The following GLIS3 variants were observed in gnomAD, a reference collection of about 807,000 sequenced individuals.
The protein encoded by GLIS3 is GLIS family zinc finger 3.
GLIS3 carries 53 observed loss-of-function variants against 78.6 expected under a neutral mutation model. The observed-to-expected ratio is 0.67, with a 90% CI of 0.54 to 0.85. The LOEUF is 0.85. GLIS3 is among the 40% of genes least tolerant of loss of function. The probability of loss-of-function intolerance (pLI) is 0.00; values close to 1 mark genes in which losing one functional copy is unlikely to be tolerated. For synonymous variants in GLIS3, 684 were observed against 509.9 expected, an observed-to-expected ratio of 1.34 and a Z score of -4.60; for missense variants, 1,703 against 1,231.1, an observed-to-expected ratio of 1.38 and a Z score of -5.74.
At chr9:3,932,677 A>G (rs1343740398) in intron 5 of GLIS3, 2 of 528,552 alleles carry the variant, frequency 3.8e-6, no homozygotes, top group South Asian at 3.8e-5. Context: ...AGGAACAAAG[A>G]GATGCCCTAT....
rs989189651 is a variant in GLIS3 at position 3,917,644 on chromosome 9, C to T, written c.1983+14716G>A. On this transcript the variant is annotated intron_variant, in intron 6 of 10. Transcript: ENST00000381971. ...CTCTCTACTTCCAAGTTTTTCTCTGCCTTGTCATCTATTGGTTTCAAGTTA... is the reference window on the plus strand; with the variant it reads ...CTCTCTACTTCCAAGTTTTTCTCTGTCTTGTCATCTATTGGTTTCAAGTTA... Among the ~76,000 whole-genome samples the T allele has an allele frequency of 3.3e-5, 5 of 151,644 alleles. No homozygotes were observed. The East Asian group carries it at 7.8e-4, about 24-fold the overall frequency.
At chr9:3,970,451 C>G (rs1043021140) in intron 4 of GLIS3, among the ~76,000 whole-genome samples, 4 of 152,102 alleles carry the variant, frequency 2.6e-5, no homozygotes, top group African/African-American at 9.7e-5. Flanking sequence ...CAAACAAATG[C>G]ATTATTTGTA....
chr9:4,109,041 T>C (rs542769198), intron 4 of GLIS3, among the ~76,000 whole-genome samples: 3 of 152,272 alleles, frequency 2.0e-5, no homozygotes, highest in East Asian at 3.9e-4. Context: ...ACTGAGTCAC[T>C]GGGAATGGGT....
At chr9:4,193,601 A>T (rs555673760) in intron 2 of GLIS3, among the ~76,000 whole-genome samples, 66 of 152,360 alleles carry the variant, frequency 4.3e-4, no homozygotes, top group African/African-American at 1.5e-3. Context: ...TCAATAACAT[A>T]GGGTACAAAA....
chr9:4,283,322 A>G (rs1393294233), intron 2 of GLIS3, among the ~76,000 whole-genome samples: 2 of 149,604 alleles, frequency 1.3e-5, no homozygotes, highest in Non-Finnish European at 3.0e-5. Context: ...CTGGAGTGCA[A>G]TGGCGCAATC....
chr9:4,377,492 T>G, the GLIS3 span, among the ~76,000 whole-genome samples: 2 of 135,278 alleles, frequency 1.5e-5, no homozygotes, highest in Admixed American at 7.4e-5. Flanking sequence ...CTTCCTCAGC[T>G]TACAGACGGC....
At position 3,856,060 on chromosome 9, in the gene GLIS3, A is replaced by G; in HGVS notation, c.2422T>C (p.Tyr808His). ...AAAGAAGAGTTTGTTTCTGGCTGAT[A>G]GGACTTCAGGTGTGAACCTGATGGC... Reference protein sequence around the residue: ...QQPSGSHLKSYQPETNSSFQP... With the variant: ...QQPSGSHLKSHQPETNSSFQP... The change falls in exon 9 of 11, where the codon TAT becomes CAT. Residue 808 changes from tyrosine to histidine, a missense_variant. Coordinates refer to ENST00000381971, the MANE Select transcript of GLIS3 (RefSeq NM_001042413.2). 1.2e-6 allele frequency: 2 copies of G among 1,614,208 alleles called. No homozygotes were observed. Among genetic ancestry groups the G allele is most frequent in the South Asian group, 1.1e-5 (1 of 91,082 alleles).
chr9:4,062,834 C>A (rs184802085), intron 4 of GLIS3, among the ~76,000 whole-genome samples: 1 of 151,828 alleles, frequency 6.6e-6, no homozygotes, highest in East Asian at 1.9e-4. Flanking sequence ...GAGGCTGAGG[C>A]AGGAGAATGG....
At chr9:4,185,547 A>T (rs1817710087) in intron 2 of GLIS3, among the ~76,000 whole-genome samples, 1 of 152,166 alleles carries the variant, frequency 6.6e-6, no homozygotes, top group African/African-American at 2.4e-5. Context: ...CTTAAAGTTG[A>T]TGGTTTATGT....
At chr9:4,077,750 G>A (rs1035261131) in intron 4 of GLIS3, among the ~76,000 whole-genome samples, 9 of 152,110 alleles carry the variant, frequency 5.9e-5, no homozygotes, top group African/African-American at 1.7e-4. Flanking sequence ...TCTTGTCAGC[G>A]TCCCTCCACT....
At chr9:4,222,514 A>G (rs527278690) in intron 2 of GLIS3, among the ~76,000 whole-genome samples, 3 of 152,310 alleles carry the variant, frequency 2.0e-5, no homozygotes, top group Admixed American at 2.0e-4. Context: ...ACCACCTACA[A>G]TAAACATAAA....
At chr9:4,488,701 G>C in the GLIS3 span, among the ~76,000 whole-genome samples, 4 of 151,486 alleles carry the variant, frequency 2.6e-5, no homozygotes, top group African/African-American at 9.7e-5. Context: ...TGTATTTTTG[G>C]TAGACGGGAT....
the GLIS3 span, among the ~76,000 whole-genome samples, chr9:4,470,938 A>G: frequency 6.6e-6 from 1 of 152,096 alleles, no homozygotes; most frequent in Non-Finnish European, 1.5e-5. Flanking sequence ...TGCAAAAATC[A>G]CAAGCATTCT....
intron 2 of GLIS3, among the ~76,000 whole-genome samples, chr9:4,345,652 C>A (rs1213348449): frequency 6.6e-6 from 1 of 152,160 alleles, no homozygotes; most frequent in Non-Finnish European, 1.5e-5. Flanking sequence ...AGATTGGATA[C>A]AGAAATTTAT....
intron 1 of GLIS3, among the ~76,000 whole-genome samples, chr9:4,292,967 T>A (rs1159340260): frequency 6.6e-6 from 1 of 152,174 alleles, no homozygotes; most frequent in Non-Finnish European, 1.5e-5. Context: ...AAACACTGAA[T>A]AGCACATGGC....
At chr9:4,209,254 G>T (rs1820163962) in intron 2 of GLIS3, among the ~76,000 whole-genome samples, 1 of 152,048 alleles carries the variant, frequency 6.6e-6, no homozygotes, top group Admixed American at 6.6e-5. Context: ...CACACATCCT[G>T]ACCCATACAC....
At chr9:4,017,085 A>G (rs915167239) in intron 4 of GLIS3, among the ~76,000 whole-genome samples, 1 of 152,038 alleles carries the variant, frequency 6.6e-6, no homozygotes, top group Non-Finnish European at 1.5e-5. Context: ...TTCTCTGCAA[A>G]CCTTTCTCTT....
intron 2 of GLIS3, among the ~76,000 whole-genome samples, chr9:4,345,157 G>C (rs1817882579): frequency 6.6e-6 from 1 of 152,126 alleles, no homozygotes; most frequent in Admixed American, 6.5e-5. Flanking sequence ...TACACAATCT[G>C]ACTCATCCTT....
chr9:4,239,053 T>C (rs1245247010), intron 2 of GLIS3, among the ~76,000 whole-genome samples: 2 of 151,248 alleles, frequency 1.3e-5, no homozygotes, highest in Non-Finnish European at 2.9e-5. Flanking sequence ...TTCCATGGTG[T>C]ATATGTGCCA....
Sources: gnomAD v4.1 joint callset for allele counts (sites outside exome capture counted in the v4.1 genomes callset) on GRCh38, gnomAD v4.1.1 for gene constraint, MANE v1.5 for transcripts, NCBI Gene and HGNC (gene_info 2026-07-23, HGNC 2026-07-21) for gene names.